Variants in PZP observed in about 807,000 individuals in gnomAD.
PZP encodes PZP alpha-2-macroglobulin like.
PZP carries 150 observed loss-of-function variants against 179.8 expected under a neutral mutation model. The ratio of observed to expected loss-of-function variants is 0.83; its 90% CI spans 0.73 to 0.96. PZP has a LOEUF of 0.96. Among genes scored for constraint, PZP ranks in the 40% least tolerant of loss-of-function variants. The probability of loss-of-function intolerance (pLI) is 0.00; values close to 1 mark genes in which losing one functional copy is unlikely to be tolerated. For missense variants in PZP, 1,689 were observed against 1,764.0 expected (o/e 0.96, Z 0.76); for synonymous variants, 624 against 652.3 (o/e 0.96, Z 0.66).
chr12:9,201,118 A>G, intron 5 of PZP, 58 bp from the exon 6 acceptor site: 1 of 1,582,838 alleles, frequency 6.3e-7, no homozygotes, highest in Non-Finnish European at 8.6e-7. Flanking sequence ...TCCTTGAGCA[A>G]CTCAAATGAT....
At chr12:9,148,774 G>T, downstream of PZP, 1 of 512,712 alleles carries the variant, frequency 2.0e-6, no homozygotes, top group South Asian at 3.3e-5. Context: ...AAATTAAACA[G>T]AAAGAATATA....
intron 7 of PZP, among the ~76,000 whole-genome samples, chr12:9,199,630 T>A (rs1428456906): frequency 6.6e-6 from 1 of 152,090 alleles, no homozygotes. Flanking sequence ...AGAGGCCAAC[T>A]GATGATCTTC....
Position 9,150,732 on chromosome 12 carries a change from C to A in PZP, c.4296G>T (p.Thr1432=). The A allele has an allele frequency of 3.1e-6, 5 of 1,611,270 alleles. No homozygotes were observed. Among genetic ancestry groups the A allele is most frequent in the Non-Finnish European group, 4.2e-6 (5 of 1,178,302 alleles). ...GCAGAACCATGAAGGAAAAACTTAG[C>A]GTCTGATTTGTCACCTGAAAGGAAA... The part of the protein sequence containing the change: ...LIYVEQVTNQ[T]LSFSFMVLQD... The change falls in exon 34 of 36, where the codon ACG becomes ACT. Residue 1432 remains threonine (T), a synonymous_variant. Coordinates refer to ENST00000261336, the MANE Select transcript of PZP (RefSeq NM_002864.3).
At chr12:9,140,083 A>G in the PZP span, among the ~76,000 whole-genome samples, 1 of 152,076 alleles carries the variant, frequency 6.6e-6, no homozygotes, top group Non-Finnish European at 1.5e-5. Flanking sequence ...TCGTGTTGGA[A>G]TGTTTCTGGT....
At position 9,194,205 on chromosome 12, in the gene PZP, G is replaced by A; in HGVS notation, c.1126C>T (p.Pro376Ser). ...LLVDGKGVPI[P>S]NKLFFISVND... ...ACAGAGATGAAGAAGAGTTTATTGG[G>A]GATGGGCACACCTTTTCCATCCACC... is the stretch of plus-strand genomic sequence containing the variant. Residue 376 changes from proline (P) to serine (S), a missense_variant, in exon 11 of 36, where the codon CCC becomes TCC. Coordinates refer to ENST00000261336, the MANE Select transcript of PZP (RefSeq NM_002864.3). 1 of 1,613,832 alleles carries A rather than the reference G, an allele frequency of 6.2e-7. No individual in the cohort carries two copies. Among genetic ancestry groups the A allele is most frequent in the Non-Finnish European group, 8.5e-7 (1 of 1,179,886 alleles).
At position 9,200,873 on chromosome 12, in the gene PZP, C is replaced by A. The variant is rs981767912; in HGVS notation, c.670+19G>T. The A allele has an allele frequency of 6.3e-6, 10 of 1,590,370 alleles. No individual in the cohort carries two copies. The highest frequency in any genetic ancestry group is 7.7e-6 in the Non-Finnish European group (9 of 1,170,238). On this transcript the variant is annotated intron_variant, in intron 6 of 35. Transcript: ENST00000261336. The stretch of plus-strand genomic sequence containing the variant: ...AGGAACCAAAATGTTATGCCTTTTT[C>A]ATCTTCCATAATCCATACCAAATTC...
At position 9,152,317 on chromosome 12, in the gene PZP, T is replaced by A; in HGVS notation, c.4122-7A>T. 6 of 1,604,564 alleles carry A rather than the reference T, an allele frequency of 3.7e-6. No individual in the cohort carries two copies. Among genetic ancestry groups the A allele is most frequent in the Non-Finnish European group, 4.3e-6 (5 of 1,171,390 alleles). ...AGGACGGTTTCCTGTGTAACTGTAG[T>A]GTCAAAGGAAAAAGAATTTAGGGTT... On this transcript the variant is annotated splice_polypyrimidine_tract_variant and splice_region_variant and intron_variant, in intron 31 of 35. Coordinates refer to ENST00000261336, the MANE Select transcript of PZP (RefSeq NM_002864.3).
chr12:9,182,560 T>A (rs1942838940), intron 13 of PZP, among the ~76,000 whole-genome samples: 1 of 152,228 alleles, frequency 6.6e-6, no homozygotes, highest in African/African-American at 2.4e-5. Context: ...AAAAAAAAGT[T>A]CATACTAATT....
chr12:9,168,676 G>A, intron 17 of PZP, 193 bp downstream of exon 17: 1 of 505,244 alleles, frequency 2.0e-6, no homozygotes, highest in South Asian at 3.6e-5. Context: ...AGTATCGGAT[G>A]TATCTAAAAA....
At chr12:9,169,811 A>G (rs892788944) in intron 15 of PZP, 2 of 401,868 alleles carry the variant, frequency 5.0e-6, no homozygotes, top group African/African-American at 4.1e-5. Context: ...GATTAACAAA[A>G]TCTTAAGTTA....
chr12:9,169,747 A>G (rs762822655), intron 15 of PZP, 156 bp from the exon 16 acceptor site: 19 of 633,900 alleles, frequency 3.0e-5, no homozygotes, highest in Non-Finnish European at 1.4e-5. Context: ...CTTATATTTA[A>G]CAGTGTTGTT....
intron 15 of PZP, among the ~76,000 whole-genome samples, chr12:9,174,328 C>T (rs757042724): frequency 6.6e-6 from 1 of 151,770 alleles, no homozygotes; most frequent in Non-Finnish European, 1.5e-5. Context: ...GAACATACCT[C>T]ATAAGAGCCA....
chr12:9,161,481 C>T (rs1941198764), intron 22 of PZP, among the ~76,000 whole-genome samples: 3 of 152,160 alleles, frequency 2.0e-5, no homozygotes, highest in Non-Finnish European at 2.9e-5. Context: ...GTGTGACTTC[C>T]AGAGTCCTTC....
intron 4 of PZP, among the ~76,000 whole-genome samples, chr12:9,201,980 A>G (rs1054890780): frequency 2.0e-5 from 3 of 152,192 alleles, no homozygotes; most frequent in Admixed American, 6.5e-5. Flanking sequence ...TCATAAAAGC[A>G]TAATTCTGTG....
intron 17 of PZP, among the ~76,000 whole-genome samples, chr12:9,168,245 T>C (rs1461340640): frequency 1.3e-5 from 2 of 152,184 alleles, no homozygotes; most frequent in Non-Finnish European, 2.9e-5. Context: ...ACTTCACATA[T>C]AGGATATCTG....
At chr12:9,136,674 A>G in the PZP span, among the ~76,000 whole-genome samples, 7 of 152,034 alleles carry the variant, frequency 4.6e-5, no homozygotes, top group Non-Finnish European at 1.0e-4. Context: ...AGTTTTCTCC[A>G]CATCTTTGCC....
Position 9,169,521 on chromosome 12 carries a change from T to G in PZP, c.1910A>C (p.Gln637Pro), listed in dbSNP as rs774456222. ...GAAGAAAGGACGGGGACAGTGTCCT[T>G]GTTCTTCCTCCTGCTGGTCCACATT... is the stretch of plus-strand genomic sequence containing the variant. ...PDNVDQQEEE[Q>P]GHCPRPFFIH... Residue 637 changes from glutamine (Q) to proline (P), a missense_variant, in exon 16 of 36, where the codon CAA (glutamine) becomes CCA (proline). Gln to Pro is a moderately conservative substitution (Grantham distance 76). This residue lies in a region of PZP where 201 missense variants were observed against 284.2 expected (regional missense o/e 0.71). Transcript: ENST00000261336. 5.0e-6 allele frequency: 8 copies of G among 1,613,260 alleles called. No homozygotes were observed. The African/African-American group carries it at 1.1e-4, about 22-fold the overall frequency.
At chr12:9,165,996 T>G in intron 18 of PZP, 56 bp downstream of exon 18, 2 of 1,539,578 alleles carry the variant, frequency 1.3e-6, no homozygotes, top group Non-Finnish European at 1.7e-6. Flanking sequence ...ATTGAAAATG[T>G]TGGAGGAACC....
chr12:9,154,537 T>C, intron 29 of PZP, 79 bp downstream of exon 29: 2 of 1,313,868 alleles, frequency 1.5e-6, no homozygotes, highest in South Asian at 2.7e-5. Flanking sequence ...TGCCTTCTCT[T>C]TTCCATTAAC....
Sources: allele counts gnomAD v4.1 joint callset (sites outside exome capture counted in the v4.1 genomes callset), GRCh38; gene constraint gnomAD v4.1.1; regional missense constraint gnomAD v4.1.1; transcripts MANE v1.5; gene names NCBI Gene and HGNC (gene_info 2026-07-23, HGNC 2026-07-21).